The following ZNF596 variants were observed in gnomAD, a reference collection of about 807,000 sequenced individuals.
ZNF596 encodes zinc finger protein 596.
In ZNF596, 45 loss-of-function variants were observed where a neutral mutation model predicts 48.3. The ratio of observed to expected loss-of-function variants is 0.93; its 90% CI spans 0.73 to 1.19. The LOEUF (loss-of-function observed/expected upper bound fraction) is 1.19. ZNF596 is among the 50% of genes most tolerant of loss of function. The pLI is 0.00. For missense variants in ZNF596, 848 were observed against 599.7 expected, an observed-to-expected ratio of 1.41 and a Z score of -4.32; for synonymous variants, 270 against 202.0, an observed-to-expected ratio of 1.34 and a Z score of -2.85.
chr8:240,034 G>A (rs1318013018), intron 1 of ZNF596, among the ~76,000 whole-genome samples: 1 of 152,218 alleles, frequency 6.6e-6, no homozygotes, highest in Non-Finnish European at 1.5e-5. Context: ...TAGCAACTCT[G>A]TTGCTTAGGA....
intron 2 of ZNF596, 96 bp from the exon 3 acceptor site, chr8:242,791 C>A: frequency 8.3e-7 from 1 of 1,211,820 alleles, no homozygotes; most frequent in Non-Finnish European, 1.1e-6. Context: ...TCTGTTCATA[C>A]CACCCACACT....
At chr8:236,193 T>C (rs1796606661) in intron 1 of ZNF596, among the ~76,000 whole-genome samples, 1 of 152,236 alleles carries the variant, frequency 6.6e-6, no homozygotes, top group Non-Finnish European at 1.5e-5. Context: ...CTGTTGTAAA[T>C]AGACACTGAT....
intron 1 of ZNF596, among the ~76,000 whole-genome samples, chr8:239,492 C>T (rs1321760751): frequency 2.6e-5 from 4 of 152,162 alleles, no homozygotes; most frequent in Non-Finnish European, 4.4e-5. Context: ...CCACCATGCC[C>T]GGCAAGAACT....
Position 243,738 on chromosome 8 carries a change from A to G in ZNF596, c.156A>G (p.Lys52=), listed in dbSNP as rs1468369361. ...CCAAAACAGGCAAACAGCTCTGCAA[A>G]TCAGTTGTGCTTTCCCAATTGGAGC... ...HLVSIGKQLC[K]SVVLSQLEQV... The change falls in exon 4 of 6, where the codon AAA becomes AAG. Residue 52 remains lysine (K), a synonymous_variant. Transcript: ENST00000398612. 1 of 1,613,590 alleles carries G rather than the reference A, an allele frequency of 6.2e-7. No individual in the cohort carries two copies. The highest frequency in any genetic ancestry group is 8.5e-7 in the Non-Finnish European group (1 of 1,179,740).
intron 1 of ZNF596, chr8:233,227 A>G: frequency 2.4e-6 from 1 of 422,512 alleles, no homozygotes; most frequent in South Asian, 1.8e-5. Flanking sequence ...CAAAATGGGA[A>G]TCAGCAGAGA....
chr8:236,727 T>G (rs892787142), intron 1 of ZNF596, among the ~76,000 whole-genome samples: 17 of 152,228 alleles, frequency 1.1e-4, no homozygotes, highest in African/African-American at 4.1e-4. Context: ...ATCCTTTTAT[T>G]ATTGCAATAA....
At chr8:235,596 C>T (rs1442391061) in intron 1 of ZNF596, among the ~76,000 whole-genome samples, 2 of 151,832 alleles carry the variant, frequency 1.3e-5, no homozygotes, top group Non-Finnish European at 2.9e-5. Flanking sequence ...ATGAATTTTT[C>T]TATGAAACTC....
At chr8:234,056 A>T (rs1796530621) in intron 1 of ZNF596, among the ~76,000 whole-genome samples, 1 of 152,178 alleles carries the variant, frequency 6.6e-6, no homozygotes, top group African/African-American at 2.4e-5. Context: ...AGCACACAAC[A>T]AAGGTATCTT....
chr8:233,979 C>T (rs548088934), intron 1 of ZNF596, among the ~76,000 whole-genome samples: 4 of 152,246 alleles, frequency 2.6e-5, no homozygotes, highest in African/African-American at 7.2e-5. Flanking sequence ...ACCTTTCCAC[C>T]GGCCCCAAGA....
Position 244,750 on chromosome 8 carries a change from A to G in ZNF596, c.306+49A>G, listed in dbSNP as rs1365785390. 3.3e-6 allele frequency: 5 copies of G among 1,498,268 alleles called. No homozygotes were observed. The Admixed American group carries it at 9.8e-5, about 29-fold the overall frequency. 92.8% of individuals were successfully genotyped at this position (1,498,268 alleles called of 1,614,324 possible). On this transcript the variant is annotated intron_variant, in intron 5 of 5. Coordinates refer to ENST00000398612, the MANE Select transcript of ZNF596 (RefSeq NM_001042416.3). The stretch of plus-strand genomic sequence containing the variant: ...TGTTCTTACATATAGAAACCTGGAC[A>G]TTAAACAACTTTGGAATTTGGTACA...
At chr8:233,293 C>G in intron 1 of ZNF596, 1 of 336,498 alleles carries the variant, frequency 3.0e-6, no homozygotes, top group South Asian at 2.6e-5. Context: ...GAGAGGGCAG[C>G]AGAAGCCTAA....
intron 3 of ZNF596, 78 bp from the exon 4 acceptor site, chr8:243,644 A>T: frequency 7.0e-7 from 1 of 1,424,044 alleles, no homozygotes. Flanking sequence ...CCTTCCCAGT[A>T]GGCTGCCCTG....
At chr8:237,283 C>G (rs180702533) in intron 1 of ZNF596, 22 of 151,992 alleles carry the variant, frequency 1.4e-4, no homozygotes, top group Admixed American at 1.4e-3. Context: ...TCTGTCAAAT[C>G]TGTTCATTCA....
chr8:243,933 G>A (rs1796956868), intron 4 of ZNF596, 128 bp downstream of exon 4: 2 of 725,838 alleles, frequency 2.8e-6, no homozygotes, highest in Non-Finnish European at 4.4e-6. Flanking sequence ...TGTCACCCAG[G>A]CTGGAGTGCA....
chr8:246,088 C>A lies in ZNF596; in HGVS notation c.1241C>A (p.Thr414Asn), dbSNP rs1210564251. The A allele has an allele frequency of 1.2e-6, 2 of 1,613,450 alleles. No individual in the cohort carries two copies. The highest frequency in any genetic ancestry group is 2.2e-5 in the East Asian group (1 of 44,854). ...CTCAGACGACATGAGAGAACTCACACTGGAGAAAAACCATATGAATGCCAT... is the reference window on the plus strand; with the variant it reads ...CTCAGACGACATGAGAGAACTCACAATGGAGAAAAACCATATGAATGCCAT... ...SDLRRHERTH[T>N]GEKPYECHLC... Residue 414 changes from threonine to asparagine, a missense_variant, in exon 6 of 6, where the codon ACT becomes AAT. By Grantham distance (65) the Thr-to-Asn change is moderately conservative. Coordinates refer to ENST00000398612, the MANE Select transcript of ZNF596 (RefSeq NM_001042416.3).
At chr8:244,477 T>A in intron 4 of ZNF596, 142 bp from the exon 5 acceptor site, 1 of 667,278 alleles carries the variant, frequency 1.5e-6, no homozygotes, top group Non-Finnish European at 2.6e-6. Context: ...GCTATAATAC[T>A]CTTCTCCTTA....
intron 1 of ZNF596, chr8:233,544 A>T (rs1796505988): frequency 5.8e-6 from 1 of 172,610 alleles, no homozygotes; most frequent in Non-Finnish European, 1.2e-5. Context: ...TCTGTATTTA[A>T]TGGCTGTGGC....
intron 1 of ZNF596, chr8:233,596 G>A (rs959388408): frequency 1.9e-5 from 3 of 155,444 alleles, no homozygotes; most frequent in African/African-American, 7.2e-5. Flanking sequence ...TTTTCTTTGT[G>A]CTGTTTTCTG....
intron 1 of ZNF596, among the ~76,000 whole-genome samples, chr8:235,303 G>A (rs1374160897): frequency 6.6e-6 from 1 of 152,228 alleles, no homozygotes. Flanking sequence ...CTCTGCAAAT[G>A]TCTGAGGGTT....
Sources: allele counts gnomAD v4.1 joint callset (sites outside exome capture counted in the v4.1 genomes callset), GRCh38; gene constraint gnomAD v4.1.1; transcripts MANE v1.5; gene names NCBI Gene and HGNC (gene_info 2026-07-23, HGNC 2026-07-21).